The following BRCA2 variants were observed in gnomAD, a reference collection of about 807,000 sequenced individuals.
The protein encoded by BRCA2 is breast cancer type 2 susceptibility protein.
Under a neutral mutation model 276.7 loss-of-function variants are expected in BRCA2, and 203 were observed. The ratio of observed to expected loss-of-function variants is 0.73; its 90% CI spans 0.65 to 0.82. The LOEUF (loss-of-function observed/expected upper bound fraction) is 0.82, where lower values mean the gene tolerates loss of function less well. BRCA2 is among the 40% of genes least tolerant of loss of function. The pLI is 0.00. For missense variants in BRCA2, 3,920 were observed against 3,915.0 expected (o/e 1.00, Z -0.03); for synonymous variants, 1,289 against 1,338.4 (o/e 0.96, Z 0.81).
In BRCA2 at chr13:32,316,475, CAA is replaced by C. The variant is rs80359298; in HGVS notation, c.17_18del (p.Lys6ArgfsTer7). On this transcript the variant is annotated frameshift_variant, in exon 2 of 27. Coordinates refer to ENST00000380152, the MANE Select transcript of BRCA2 (RefSeq NM_000059.4). LOFTEE classifies it high-confidence loss of function. Reference sequence around the variant, plus strand: ...CGTAGGTAAAAATGCCTATTGGATCCAAAGAGAGGCCAACATTTTTTGAAATT... The same window carrying C: ...CGTAGGTAAAAATGCCTATTGGATCCAGAGAGGCCAACATTTTTTGAAATT... The part of the protein sequence containing the change: MPIGS[K>X]ERPTFFEIFK... 1 of 1,613,874 alleles carries C rather than the reference CAA, an allele frequency of 6.2e-7. No individual in the cohort carries two copies. The highest frequency in any genetic ancestry group is 8.5e-7 in the Non-Finnish European group (1 of 1,179,906).
Position 32,379,387 on chromosome 13 carries a change from C to A in BRCA2, c.8825C>A (p.Ala2942Asp), listed in dbSNP as rs373227180. 3 of 1,613,636 alleles carry A rather than the reference C, an allele frequency of 1.9e-6. No individual in the cohort carries two copies. In the African/African-American group the frequency reaches 4.0e-5, roughly 22 times the overall value. The change falls in exon 22 of 27, where the codon GCT becomes GAT. Residue 2942 changes from alanine to aspartate, a missense_variant. Physicochemically the swap from Ala to Asp is moderately radical, Grantham distance 126. Transcript: ENST00000380152. ...HRQMLNDKKQ[A>D]QIQLEIRKAM... ...CAAATGTTGAATGATAAGAAACAAG[C>A]TCAGATCCAGTTGGAAATTAGGAAG...
At chr13:32,345,463 A>G (rs151074481) in intron 12 of BRCA2, among the ~76,000 whole-genome samples, 1 of 152,204 alleles carries the variant, frequency 6.6e-6, no homozygotes, top group African/African-American at 2.4e-5. Context: ...ATTTCTTGAG[A>G]ATCATTGTCC....
intron 10 of BRCA2, among the ~76,000 whole-genome samples, chr13:32,335,159 C>T (rs1566225318): frequency 6.6e-6 from 1 of 152,076 alleles, no homozygotes; most frequent in South Asian, 2.1e-4. Context: ...GCCTGGCCAA[C>T]ATGGTAAAAC....
At chr13:32,390,176 C>T (rs2072987171) in intron 24 of BRCA2, among the ~76,000 whole-genome samples, 1 of 152,142 alleles carries the variant, frequency 6.6e-6, no homozygotes, top group Non-Finnish European at 1.5e-5. Context: ...GTCATGATGC[C>T]TCCCAGCTTA....
intron 3 of BRCA2, among the ~76,000 whole-genome samples, chr13:32,321,019 T>A (rs1422518049): frequency 6.6e-6 from 1 of 152,142 alleles, no homozygotes; most frequent in African/African-American, 2.4e-5. Flanking sequence ...GGTAGGAAGA[T>A]CAGTTAGGGG....
chr13:32,333,300 G>A lies in BRCA2; in HGVS notation c.1822G>A (p.Asp608Asn), dbSNP rs1064794170. 6.2e-7 allele frequency: 1 copy of A among 1,605,274 alleles called. No homozygotes were observed. The highest frequency in any genetic ancestry group is 8.5e-7 in the Non-Finnish European group (1 of 1,177,792). ...TSYKGKKIPKDQKSELINCSA... is the reference protein window; with the variant it reads ...TSYKGKKIPKNQKSELINCSA... ...TTATAAAGGAAAAAAAATACCGAAA[G>A]ACCAAAAATCAGAACTAATTAACTG... The change falls in exon 10 of 27, where the codon GAC becomes AAC. Residue 608 changes from aspartate to asparagine, a missense_variant. Physicochemically the swap from Asp to Asn is conservative, Grantham distance 23. Around this residue, in one of 2 missense-constraint regions of BRCA2, gnomAD observed 3,263 missense variants for 3,156.9 expected, o/e 1.03. Coordinates refer to ENST00000380152, the MANE Select transcript of BRCA2 (RefSeq NM_000059.4).
Position 32,399,713 on chromosome 13 carries a change from C to A in BRCA2, c.*943C>A, listed in dbSNP as rs529675592. 89 of 168,616 alleles carry A rather than the reference C, an allele frequency of 5.3e-4. 2 individuals are homozygous for A. The South Asian group carries it at 0.015, about 29-fold the overall frequency. The allele number at this position is 168,616 out of a possible 1,614,324, so 10.4% of individuals were successfully genotyped here. A position where few individuals can be genotyped will look rare whatever the true frequency, so the allele number is the denominator to read the frequency against. On this transcript the variant is annotated 3_prime_UTR_variant, in exon 27 of 27. Coordinates refer to ENST00000380152, the MANE Select transcript of BRCA2 (RefSeq NM_000059.4). ...TTAGCGCTATCACAGGACCCAGAGC[C>A]TATGCCCTTTTAAACTTACCACAAA...
Position 32,338,726 on chromosome 13 carries a change from G to C in BRCA2, c.4371G>C (p.Leu1457Phe), listed in dbSNP as rs755130086. 6.3e-7 allele frequency: 1 copy of C among 1,599,426 alleles called. No individual in the cohort carries two copies. Among genetic ancestry groups the C allele is most frequent in the Non-Finnish European group, 8.5e-7 (1 of 1,170,968 alleles). Reference sequence around the variant, plus strand: ...TCTTTGATCAGAAACCAGAAGAATTGCATAACTTTTCCTTAAATTCTGAAT... The same window carrying C: ...TCTTTGATCAGAAACCAGAAGAATTCCATAACTTTTCCTTAAATTCTGAAT... ...VNFFDQKPEE[L>F]HNFSLNSELH... Residue 1457 changes from leucine (L) to phenylalanine (F), a missense_variant, in exon 11 of 27, where the codon TTG (leucine) becomes TTC (phenylalanine). By Grantham distance (22) the Leu-to-Phe change is conservative. Around this residue, in one of 2 missense-constraint regions of BRCA2, gnomAD observed 3,263 missense variants for 3,156.9 expected, o/e 1.03. Transcript: ENST00000380152.
rs1218113889 is a variant in BRCA2 at position 32,340,633 on chromosome 13, A to C, written c.6278A>C (p.His2093Pro). 1 of 1,606,750 alleles carries C rather than the reference A, an allele frequency of 6.2e-7. No homozygotes were observed. Among genetic ancestry groups the C allele is most frequent in the East Asian group, 2.2e-5 (1 of 44,776 alleles). The change falls in exon 11 of 27, where the codon CAC becomes CCC. Residue 2093 changes from histidine (H) to proline (P), a missense_variant. Around this residue, in one of 2 missense-constraint regions of BRCA2, gnomAD observed 3,263 missense variants for 3,156.9 expected, o/e 1.03. Coordinates refer to ENST00000380152, the MANE Select transcript of BRCA2 (RefSeq NM_000059.4). ...TTAATCAGAACTGAGCATAGTCTTC[A>C]CTATTCACCTACGTCTAGACAAAAT... ...FDLIRTEHSLHYSPTSRQNVS... is the reference protein window; with the variant it reads ...FDLIRTEHSLPYSPTSRQNVS...
At position 32,387,204 on chromosome 13, in the gene BRCA2, T is replaced by A. The variant is rs2072966626; in HGVS notation, c.9256+7059T>A. 1.3e-5 allele frequency among the ~76,000 whole-genome samples: 2 copies of A among 152,170 alleles called. 1 individual carries two copies. Among genetic ancestry groups the A allele is most frequent in the Admixed American group, 1.3e-4 (2 of 15,282 alleles). On this transcript the variant is annotated intron_variant, in intron 24 of 26. Coordinates refer to ENST00000380152, the MANE Select transcript of BRCA2 (RefSeq NM_000059.4). Reference sequence around the variant, plus strand: ...GCAAGAGACTGAAGGCACAAACTATTTCAGTATAATAAAGAAAATAGTTAG... The same window carrying A: ...GCAAGAGACTGAAGGCACAAACTATATCAGTATAATAAAGAAAATAGTTAG...
At chr13:32,381,697 T>C (rs1048730474) in intron 24 of BRCA2, among the ~76,000 whole-genome samples, 7 of 151,988 alleles carry the variant, frequency 4.6e-5, no homozygotes, top group Admixed American at 4.6e-4. Flanking sequence ...ACAGGAAAAT[T>C]CCAGGTAGAG....
intron 24 of BRCA2, chr13:32,385,850 A>T (rs2072956450): frequency 6.2e-6 from 1 of 162,120 alleles, no homozygotes; most frequent in African/African-American, 2.4e-5. Flanking sequence ...TTTCAAAAGA[A>T]ATCTGATGTC....
At position 32,327,594 on chromosome 13, in the gene BRCA2, C is replaced by T. The variant is rs189044716; in HGVS notation, c.631+981C>T. 1.9e-3 allele frequency among the ~76,000 whole-genome samples: 281 copies of T among 150,598 alleles called. 1 individual carries two copies. Among genetic ancestry groups the T allele is most frequent in the Middle Eastern group, 0.014 (4 of 288 alleles). ...CTGAGGCAGGAGAATGGCATGAACC[C>T]GGGAGGCGGATCTTGTAGTGATCTG... On this transcript the variant is annotated intron_variant, in intron 7 of 26. Coordinates refer to ENST00000380152, the MANE Select transcript of BRCA2 (RefSeq NM_000059.4).
chr13:32,360,972 A>T (rs1175711458), intron 16 of BRCA2, among the ~76,000 whole-genome samples: 1 of 152,208 alleles, frequency 6.6e-6, no homozygotes, highest in Non-Finnish European at 1.5e-5. Context: ...AAGACCAAAG[A>T]TGGAGGGAAA....
rs80358481 is a variant in BRCA2, at chr13:32,336,267, T to G, written c.1912T>G (p.Leu638Val). 2.5e-6 allele frequency: 4 copies of G among 1,601,764 alleles called. No homozygotes were observed. Among genetic ancestry groups the G allele is most frequent in the Non-Finnish European group, 3.4e-6 (4 of 1,176,024 alleles). ...PLTFANADSG[L>V]LHSSVKRSCS... is the part of the protein sequence containing the mutation. Reference sequence around the variant, plus strand: ...TCACTTTGTGTTTTTATGTTTAGGTTTATTGCATTCTTCTGTGAAAAGAAG... The same window carrying G: ...TCACTTTGTGTTTTTATGTTTAGGTGTATTGCATTCTTCTGTGAAAAGAAG... Residue 638 changes from leucine (L) to valine (V), a missense_variant and splice_region_variant, in exon 11 of 27, where the codon TTA (leucine) becomes GTA (valine). Physicochemically the swap from Leu to Val is conservative, Grantham distance 32 (BLOSUM62 1). This residue lies in a region of BRCA2 where 3,263 missense variants were observed against 3,156.9 expected (regional missense o/e 1.03). Coordinates refer to ENST00000380152, the MANE Select transcript of BRCA2 (RefSeq NM_000059.4).
At position 32,372,996 on chromosome 13, in the gene BRCA2, C is replaced by CTT. The variant is rs35596121; in HGVS notation, c.8632+1909_8632+1910dup. ...AAACCTAGCCAGGCAATCAATGAAT[C>CTT]TTTTTTTTTTTTTTGAGACAGGGTC... is the stretch of plus-strand genomic sequence containing the variant. On this transcript the variant is annotated intron_variant, in intron 20 of 26. Coordinates refer to ENST00000380152, the MANE Select transcript of BRCA2 (RefSeq NM_000059.4). Among the ~76,000 whole-genome samples the CTT allele has an allele frequency of 7.7e-4, 111 of 144,606 alleles. 1 individual carries two copies. The highest frequency in any genetic ancestry group is 7.0e-3 in the South Asian group (31 of 4,442). 94.9% of individuals were successfully genotyped at this position (144,606 alleles called of 152,430 possible).
At chr13:32,344,471 T>C (rs1566236762) in intron 11 of BRCA2, 87 bp from the exon 12 acceptor site, 1 of 824,492 alleles carries the variant, frequency 1.2e-6, no homozygotes, top group South Asian at 1.6e-5. Flanking sequence ...GTCAATACTT[T>C]AGCTTTAAAA....
chr13:32,350,688 G>T (rs543153885), intron 13 of BRCA2, among the ~76,000 whole-genome samples: 1 of 152,174 alleles, frequency 6.6e-6, no homozygotes, highest in East Asian at 1.9e-4. Flanking sequence ...AGGAGGCGGA[G>T]CTTTCAGTGA....
At chr13:32,393,569 C>T (rs1469643435) in intron 24 of BRCA2, among the ~76,000 whole-genome samples, 1 of 151,982 alleles carries the variant, frequency 6.6e-6, no homozygotes, top group Admixed American at 6.6e-5. Context: ...TATTTTTTGA[C>T]ATCACAAGAT....
Sources: allele counts gnomAD v4.1 joint callset (sites outside exome capture counted in the v4.1 genomes callset), GRCh38; gene constraint gnomAD v4.1.1; regional missense constraint gnomAD v4.1.1; transcripts MANE v1.5; gene names NCBI Gene and HGNC (gene_info 2026-07-23, HGNC 2026-07-21).